The following NRXN1 variants were observed in gnomAD, a reference collection of about 807,000 sequenced individuals.
NRXN1 encodes the protein neurexin-1.
NRXN1 carries 39 observed loss-of-function variants against 150.9 expected under a neutral mutation model. The ratio of observed to expected loss-of-function variants is 0.26; its 90% CI spans 0.20 to 0.34. The LOEUF is 0.34. Among genes scored for constraint, NRXN1 ranks in the 10% least tolerant of loss-of-function variants. The pLI is 1.00. For synonymous variants in NRXN1, 924 were observed against 757.0 expected, an observed-to-expected ratio of 1.22 and a Z score of -3.62; for missense variants, 1,815 against 1,949.9, an observed-to-expected ratio of 0.93 and a Z score of 1.30.
At chr2:50,263,741 C>T (rs1376561950) in intron 17 of NRXN1, among the ~76,000 whole-genome samples, 1 of 152,098 alleles carries the variant, frequency 6.6e-6, no homozygotes, top group African/African-American at 2.4e-5. Context: ...TTTTAGAGGT[C>T]TCCAAGCTGT....
chr2:50,482,725 T>C (rs1399413454), intron 15 of NRXN1, among the ~76,000 whole-genome samples: 1 of 152,064 alleles, frequency 6.6e-6, no homozygotes, highest in African/African-American at 2.4e-5. Context: ...AGGTTAGATG[T>C]TCTTAGTAAC....
intron 5 of NRXN1, among the ~76,000 whole-genome samples, chr2:50,778,945 T>A (rs1432451802): frequency 6.6e-6 from 1 of 152,196 alleles, no homozygotes; most frequent in Non-Finnish European, 1.5e-5. Flanking sequence ...AGATTACATA[T>A]AATCCCACCA....
At chr2:50,628,595 T>C (rs1021967119) in intron 5 of NRXN1, among the ~76,000 whole-genome samples, 1 of 151,750 alleles carries the variant, frequency 6.6e-6, no homozygotes, top group Non-Finnish European at 1.5e-5. Flanking sequence ...CTTTGTGCTA[T>C]TCTATAAACA....
At chr2:50,333,267 C>T (rs773062342) in intron 17 of NRXN1, among the ~76,000 whole-genome samples, 11 of 152,136 alleles carry the variant, frequency 7.2e-5, no homozygotes, top group African/African-American at 1.9e-4. Flanking sequence ...TACAAACATG[C>T]GACTAAGTCA....
intron 17 of NRXN1, among the ~76,000 whole-genome samples, chr2:50,323,917 GA>G (rs2076214088): frequency 6.6e-6 from 1 of 152,174 alleles, no homozygotes; most frequent in Non-Finnish European, 1.5e-5. Flanking sequence ...CCAACCGCCA[GA>G]AACAAGAGAT....
intron 8 of NRXN1, among the ~76,000 whole-genome samples, chr2:50,597,704 T>C (rs1573719624): frequency 3.9e-5 from 6 of 152,246 alleles, no homozygotes; most frequent in African/African-American, 1.4e-4. Flanking sequence ...AAATAGGTTT[T>C]CTTGTTTGCT....
chr2:50,284,990 C>T (rs1366268769), intron 17 of NRXN1, among the ~76,000 whole-genome samples: 3 of 152,018 alleles, frequency 2.0e-5, no homozygotes, highest in Non-Finnish European at 2.9e-5. Flanking sequence ...TAATATTAAA[C>T]ATTGAATTAA....
chr2:49,998,662 T>G (rs930354684), intron 21 of NRXN1, among the ~76,000 whole-genome samples: 14 of 152,066 alleles, frequency 9.2e-5, no homozygotes, highest in African/African-American at 3.4e-4. Context: ...ATGGACATAA[T>G]TTAACCTTTT....
intron 5 of NRXN1, among the ~76,000 whole-genome samples, chr2:50,648,917 CT>C (rs1218586733): frequency 6.6e-6 from 1 of 152,006 alleles, no homozygotes; most frequent in East Asian, 1.9e-4. Flanking sequence ...TTCCCAGGGA[CT>C]GTTTTCTCTT....
intron 5 of NRXN1, among the ~76,000 whole-genome samples, chr2:50,810,024 CAAAT>C (rs370610715): frequency 7.9e-5 from 12 of 152,256 alleles, no homozygotes; most frequent in African/African-American, 2.2e-4. Context: ...TAGTCACGTT[CAAAT>C]AAATAAGAGT....
intron 18 of NRXN1, among the ~76,000 whole-genome samples, chr2:50,215,832 A>G (rs911077389): frequency 2.0e-5 from 3 of 152,088 alleles, no homozygotes; most frequent in African/African-American, 7.2e-5. Context: ...AACAACATGT[A>G]TCTCATGCTT....
intron 17 of NRXN1, among the ~76,000 whole-genome samples, chr2:50,344,808 GA>G (rs1461870730): frequency 6.6e-6 from 1 of 152,192 alleles, no homozygotes; most frequent in African/African-American, 2.4e-5. Context: ...CCGAGACACA[GA>G]AAAGGAGAAG....
chr2:50,450,242 C>T (rs2086835148), intron 17 of NRXN1, among the ~76,000 whole-genome samples: 5 of 152,162 alleles, frequency 3.3e-5, no homozygotes, highest in Admixed American at 3.3e-4. Flanking sequence ...ACGCTCATTT[C>T]TACTTAGCCA....
chr2:50,274,792 A>C (rs987959219), intron 17 of NRXN1, among the ~76,000 whole-genome samples: 14 of 152,046 alleles, frequency 9.2e-5, no homozygotes, highest in Non-Finnish European at 1.5e-4. Flanking sequence ...TTAAAAAAAA[A>C]CCCATAAAAA....
chr2:51,022,409 C>G lies in NRXN1; in HGVS notation c.772+5093G>C, dbSNP rs192707143. ...GAGTCTGTATAATTTAACCTCTGCA[C>G]TACAACTGCATCTCAGAATAGGAAA... is the stretch of plus-strand genomic sequence containing the variant. On this transcript the variant is annotated intron_variant, in intron 2 of 22. Coordinates refer to ENST00000401669, the MANE Select transcript of NRXN1 (RefSeq NM_001330078.2). Among the ~76,000 whole-genome samples, 1,032 of 152,226 alleles carry G rather than the reference C, an allele frequency of 6.8e-3. 6 individuals are homozygous for G. The highest frequency in any genetic ancestry group is 0.011 in the Non-Finnish European group (745 of 67,986).
At chr2:50,864,733 A>G (rs963713569) in intron 5 of NRXN1, among the ~76,000 whole-genome samples, 1 of 152,030 alleles carries the variant, frequency 6.6e-6, no homozygotes, top group Non-Finnish European at 1.5e-5. Flanking sequence ...CCAAATGCCT[A>G]TGTGAACAGA....
chr2:50,261,398 C>T (rs900856947), intron 17 of NRXN1, among the ~76,000 whole-genome samples: 1 of 151,752 alleles, frequency 6.6e-6, no homozygotes. Flanking sequence ...TGAAAGGTGA[C>T]ACAATGAAAG....
At chr2:50,722,882 C>T (rs1426692808) in intron 5 of NRXN1, among the ~76,000 whole-genome samples, 2 of 152,120 alleles carry the variant, frequency 1.3e-5, no homozygotes, top group African/African-American at 4.8e-5. Context: ...TGAATTTCCA[C>T]TCAGTGTTCT....
At position 51,027,554 on chromosome 2, in the gene NRXN1, C is replaced by G; in HGVS notation, c.720G>C (p.Gln240His). ...NGGVCSVVDD[Q>H]AVCDCSRTGF... is the part of the protein sequence containing the mutation. ...CGGTTCGCGAGCAGTCGCACACGGC[C>G]TGGTCGTCCACCACGGAGCACACAC... Residue 240 changes from glutamine to histidine, a missense_variant, in exon 2 of 23, where the codon CAG becomes CAC. Physicochemically the swap from Gln to His is conservative, Grantham distance 24 (BLOSUM62 0). This residue lies in a region of NRXN1 where 554 missense variants were observed against 478.8 expected (regional missense o/e 1.16). Coordinates refer to ENST00000401669, the MANE Select transcript of NRXN1 (RefSeq NM_001330078.2). 1 of 1,593,812 alleles carries G rather than the reference C, an allele frequency of 6.3e-7. No individual in the cohort carries two copies. Among genetic ancestry groups the G allele is most frequent in the South Asian group, 1.1e-5 (1 of 89,854 alleles).
Sources: gnomAD v4.1 joint callset for allele counts (sites outside exome capture counted in the v4.1 genomes callset) on GRCh38, gnomAD v4.1.1 for gene constraint, gnomAD v4.1.1 regional missense constraint, MANE v1.5 for transcripts, NCBI Gene and HGNC (gene_info 2026-07-23, HGNC 2026-07-21) for gene names.